The following ANKRD55 variants were observed in gnomAD, a reference collection of about 807,000 sequenced individuals.
ANKRD55 encodes the protein ankyrin repeat domain 55, also known as ankyrin repeat domain-containing protein 55.
ANKRD55 carries 41 observed loss-of-function variants against 60.6 expected under a neutral mutation model. That is an observed-to-expected ratio of 0.68 (90% confidence interval 0.53 to 0.88). The LOEUF (loss-of-function observed/expected upper bound fraction) is 0.88, where lower values mean the gene tolerates loss of function less well. ANKRD55 is among the 40% of genes least tolerant of loss of function. ANKRD55 has a pLI of 0.00. For synonymous variants in ANKRD55, 264 were observed against 290.3 expected, an observed-to-expected ratio of 0.91 and a Z score of 0.92; for missense variants, 732 against 767.6, an observed-to-expected ratio of 0.95 and a Z score of 0.55.
chr5:56,171,945 C>T (rs1758617668), intron 4 of ANKRD55, among the ~76,000 whole-genome samples: 1 of 151,934 alleles, frequency 6.6e-6, no homozygotes. Flanking sequence ...GGTTGAAACC[C>T]CATCTCTACC....
At chr5:56,126,041 A>G (rs955707581) in intron 8 of ANKRD55, among the ~76,000 whole-genome samples, 1 of 152,102 alleles carries the variant, frequency 6.6e-6, no homozygotes, top group Non-Finnish European at 1.5e-5. Flanking sequence ...GGTTGAGGCA[A>G]GGGAATCGCT....
chr5:56,204,084 A>T (rs1028841035), intron 2 of ANKRD55, among the ~76,000 whole-genome samples: 25 of 152,262 alleles, frequency 1.6e-4, no homozygotes, highest in Non-Finnish European at 3.1e-4. Context: ...ATGGCCAGTG[A>T]TGATGAGCAT....
intron 7 of ANKRD55, among the ~76,000 whole-genome samples, chr5:56,132,116 G>A (rs1303988023): frequency 6.6e-6 from 1 of 151,776 alleles, no homozygotes; most frequent in African/African-American, 2.4e-5. Flanking sequence ...GAATCATTTA[G>A]TTATTATAAA....
intron 2 of ANKRD55, among the ~76,000 whole-genome samples, chr5:56,199,832 A>G (rs1759322178): frequency 6.6e-6 from 1 of 150,624 alleles, no homozygotes; most frequent in African/African-American, 2.5e-5. Context: ...TGGAGCTTGC[A>G]GTGAGCCGAG....
chr5:56,151,912 T>C (rs1193828789), intron 6 of ANKRD55, among the ~76,000 whole-genome samples: 1 of 142,150 alleles, frequency 7.0e-6, no homozygotes, highest in African/African-American at 2.7e-5. Flanking sequence ...TGTGTGTATA[T>C]ACACATATAT....
chr5:56,192,644 GA>G (rs1759127565), intron 2 of ANKRD55: 1 of 886,640 alleles, frequency 1.1e-6, no homozygotes, highest in African/African-American at 1.7e-5. Flanking sequence ...TTTGTTGGGA[GA>G]AGAGGGTGAC....
At chr5:56,142,590 G>A (rs1428026841) in intron 7 of ANKRD55, among the ~76,000 whole-genome samples, 1 of 152,182 alleles carries the variant, frequency 6.6e-6, no homozygotes, top group Non-Finnish European at 1.5e-5. Context: ...GTGGTGTTGA[G>A]GTGACTATGT....
chr5:56,127,350 C>T (rs1757296137), intron 7 of ANKRD55: 1 of 985,028 alleles, frequency 1.0e-6, no homozygotes, highest in African/African-American at 1.8e-5. Context: ...AATTGTCTTC[C>T]ATAACTAGTG....
At chr5:56,165,375 G>T (rs6883862) in intron 5 of ANKRD55, among the ~76,000 whole-genome samples, 12,273 of 152,154 alleles carry the variant, frequency 0.081, 758 homozygotes, top group African/African-American at 0.17. Flanking sequence ...AGGTGAAGAA[G>T]GCCAGGATGA....
At position 56,100,079 on chromosome 5, in the gene ANKRD55, G is replaced by T; in HGVS notation, c.*104C>A. 1 of 1,461,218 alleles carries T rather than the reference G, an allele frequency of 6.8e-7. No individual in the cohort carries two copies. 90.5% of individuals were successfully genotyped at this position (1,461,218 alleles called of 1,614,324 possible). ...TTATAAAACTGATGGCTTATAGAAT[G>T]CAGCTTACTAAATTGGTCTTCGTTC... On this transcript the variant is annotated 3_prime_UTR_variant, in exon 12 of 12. Coordinates refer to ENST00000341048, the MANE Select transcript of ANKRD55 (RefSeq NM_024669.3).
chr5:56,166,161 C>CTTTCTTTCTTTCTTT lies in ANKRD55; in HGVS notation c.422+4532_422+4533insAAAGAAAGAAAGAAA, dbSNP rs1208005252. 3.2e-3 allele frequency among the ~76,000 whole-genome samples: 75 copies of CTTTCTTTCTTTCTTT among 23,610 alleles called. 1 individual carries two copies. Among genetic ancestry groups the CTTTCTTTCTTTCTTT allele is most frequent in the Middle Eastern group, 0.023 (1 of 44 alleles). 15.5% of individuals were successfully genotyped at this position (23,610 alleles called of 152,430 possible). ...TTCTTTCTTTCTTTCTTTCTTCTTT[C>CTTTCTTTCTTTCTTT]CTTCCTTCCTTCCTTCCTTCCTTCC... On this transcript the variant is annotated intron_variant, in intron 5 of 11. Coordinates refer to ENST00000341048, the MANE Select transcript of ANKRD55 (RefSeq NM_024669.3).
At chr5:56,217,726 C>G (rs1581028617) in intron 2 of ANKRD55, among the ~76,000 whole-genome samples, 1 of 152,086 alleles carries the variant, frequency 6.6e-6, no homozygotes, top group Admixed American at 6.5e-5. Flanking sequence ...AACCCCATCT[C>G]TACTAAAAAT....
Position 56,177,617 on chromosome 5 carries a change from C to A in ANKRD55, c.182-1335G>T, listed in dbSNP as rs1300721344. ...CATGGTGAAACCCTGTCTAAAAATT[C>A]AAAAAAAATTAGCCGGGCATGGTGG... is the stretch of plus-strand genomic sequence containing the variant. On this transcript the variant is annotated intron_variant, in intron 3 of 11. Coordinates refer to ENST00000341048, the MANE Select transcript of ANKRD55 (RefSeq NM_024669.3). Among the ~76,000 whole-genome samples, 3 of 151,274 alleles carry A rather than the reference C, an allele frequency of 2.0e-5. No homozygotes were observed. The East Asian group carries it at 5.8e-4, about 29-fold the overall frequency.
At chr5:56,130,995 A>G (rs755513756) in intron 7 of ANKRD55, among the ~76,000 whole-genome samples, 22 of 152,228 alleles carry the variant, frequency 1.4e-4, no homozygotes, top group Non-Finnish European at 1.9e-4. Flanking sequence ...CTGTGAGAGA[A>G]CTACAAAAGG....
chr5:56,159,997 C>T, intron 5 of ANKRD55, 104 bp from the exon 6 acceptor site: 1 of 943,884 alleles, frequency 1.1e-6, no homozygotes, highest in Non-Finnish European at 1.7e-6. Flanking sequence ...AGTTGAAAGA[C>T]TCCAAATGAA....
At chr5:56,227,917 C>G (rs909356569) in intron 2 of ANKRD55, among the ~76,000 whole-genome samples, 2 of 152,204 alleles carry the variant, frequency 1.3e-5, no homozygotes, top group Non-Finnish European at 2.9e-5. Context: ...ATGTAAAGCC[C>G]TGCACAGAGT....
intron 7 of ANKRD55, 174 bp from the exon 8 acceptor site, chr5:56,127,280 T>C: frequency 1.0e-6 from 1 of 985,204 alleles, no homozygotes; most frequent in Non-Finnish European, 1.2e-6. Context: ...ATCTAAGCTC[T>C]CCAACAAGTG....
At chr5:56,121,374 CTTTTT>C (rs35793814) in intron 8 of ANKRD55, among the ~76,000 whole-genome samples, 1 of 130,668 alleles carries the variant, frequency 7.7e-6, no homozygotes, top group Non-Finnish European at 1.6e-5. Flanking sequence ...TGTTCCACCA[CTTTTT>C]TTTTTTTTTT....
chr5:56,124,910 C>T (rs1360728843), intron 8 of ANKRD55, among the ~76,000 whole-genome samples: 3 of 152,192 alleles, frequency 2.0e-5, no homozygotes, highest in Non-Finnish European at 4.4e-5. Flanking sequence ...AGGATTTGAT[C>T]AGTACATGAG....
Sources: allele counts gnomAD v4.1 joint callset (sites outside exome capture counted in the v4.1 genomes callset), GRCh38; gene constraint gnomAD v4.1.1; transcripts MANE v1.5; gene names NCBI Gene and HGNC (gene_info 2026-07-23, HGNC 2026-07-21).